Variants in TLN2 observed in about 807,000 individuals in gnomAD.
TLN2 encodes the protein talin 2.
Under a neutral mutation model 294.7 loss-of-function variants are expected in TLN2, and 118 were observed. That is an observed-to-expected ratio of 0.40 (90% confidence interval 0.34 to 0.47). The LOEUF (loss-of-function observed/expected upper bound fraction) is 0.47, where lower values mean the gene tolerates loss of function less well. TLN2 is among the 20% of genes least tolerant of loss of function. TLN2 has a pLI of 0.84. For missense variants in TLN2, 3,083 were observed against 3,282.2 expected, an observed-to-expected ratio of 0.94 and a Z score of 1.48; for synonymous variants, 1,431 against 1,304.5, an observed-to-expected ratio of 1.10 and a Z score of -2.09.
chr15:62,670,722 G>A (rs1052289037), intron 9 of TLN2, among the ~76,000 whole-genome samples: 2 of 152,128 alleles, frequency 1.3e-5, no homozygotes, highest in African/African-American at 2.4e-5. Flanking sequence ...GGACTTTTGA[G>A]TTATTATCAT....
At chr15:62,611,455 G>C (rs1025556576) in intron 2 of TLN2, among the ~76,000 whole-genome samples, 15 of 152,206 alleles carry the variant, frequency 9.9e-5, no homozygotes, top group Non-Finnish European at 2.1e-4. Flanking sequence ...GAGGGCAAGG[G>C]ACTGTGTCTG....
chr15:62,655,282 A>T (rs2053081176), intron 7 of TLN2, among the ~76,000 whole-genome samples: 1 of 152,154 alleles, frequency 6.6e-6, no homozygotes, highest in African/African-American at 2.4e-5. Context: ...AAGCCCAGAG[A>T]GGAGTGTTGG....
At chr15:62,689,324 A>AT (rs970895235) in intron 12 of TLN2, among the ~76,000 whole-genome samples, 2 of 151,994 alleles carry the variant, frequency 1.3e-5, no homozygotes, top group Non-Finnish European at 2.9e-5. Flanking sequence ...TTATTTAAAT[A>AT]TTTTTTCAGT....
At chr15:62,721,496 A>C (rs2060146249) in intron 25 of TLN2, among the ~76,000 whole-genome samples, 1 of 152,078 alleles carries the variant, frequency 6.6e-6, no homozygotes, top group East Asian at 1.9e-4. Context: ...GGTAGCTTTT[A>C]TAAATATTCA....
At chr15:62,456,070 A>G (rs2036460665) in intron 1 of TLN2, among the ~76,000 whole-genome samples, 1 of 152,014 alleles carries the variant, frequency 6.6e-6, no homozygotes, top group Admixed American at 6.5e-5. Flanking sequence ...ACTCTTAAAA[A>G]AAAAAAAAAA....
intron 1 of TLN2, among the ~76,000 whole-genome samples, chr15:62,430,624 C>T (rs1418372833): frequency 2.0e-5 from 3 of 152,122 alleles, no homozygotes; most frequent in Non-Finnish European, 4.4e-5. Flanking sequence ...GGACAGATCT[C>T]ATCTCTGTTT....
chr15:62,734,010 G>T (rs1018008600), intron 28 of TLN2: 1 of 152,112 alleles, frequency 6.6e-6, no homozygotes. Context: ...GCCTTCTTTC[G>T]TCCTTTTGAT....
chr15:62,837,196 CT>C (rs1357992978), intron 57 of TLN2, among the ~76,000 whole-genome samples: 9 of 152,212 alleles, frequency 5.9e-5, no homozygotes, highest in African/African-American at 2.2e-4. Context: ...TTTTTTGGCC[CT>C]CTTGAGTCCC....
At position 62,833,575 on chromosome 15, in the gene TLN2, C is replaced by T. The variant is rs758459760; in HGVS notation, c.7074C>T (p.Ser2358=). The change falls in exon 55 of 59, where the codon AGC becomes AGT. Residue 2358 remains serine (S), a synonymous_variant. Transcript: ENST00000636159. ...CTAAATCCATTGCTGCTGCCACAAG[C>T]GCCCTGGTCAAATCGGCCTCAGCAG... ...EAAKSIAAAT[S]ALVKSASAAQ... 2.3e-5 allele frequency: 37 copies of T among 1,614,076 alleles called. No homozygotes were observed. Among genetic ancestry groups the T allele is most frequent in the African/African-American group, 8.0e-5 (6 of 74,930 alleles).
intron 1 of TLN2, among the ~76,000 whole-genome samples, chr15:62,418,997 T>C (rs905265112): frequency 3.3e-5 from 5 of 152,300 alleles, no homozygotes; most frequent in Non-Finnish European, 5.9e-5. Context: ...TTAAGTACAT[T>C]TGGAATAACT....
intron 9 of TLN2, among the ~76,000 whole-genome samples, chr15:62,672,794 G>T (rs370521438): frequency 1.3e-5 from 2 of 151,990 alleles, no homozygotes; most frequent in East Asian, 1.9e-4. Context: ...GGGTGGTGTC[G>T]GGGGGTTGCC....
intron 1 of TLN2, among the ~76,000 whole-genome samples, chr15:62,436,858 G>T (rs974521092): frequency 1.3e-5 from 2 of 152,150 alleles, no homozygotes; most frequent in African/African-American, 4.8e-5. Context: ...GAGTAGCTGG[G>T]ACTACAAGCA....
At chr15:62,522,812 A>G (rs556692903) in intron 1 of TLN2, among the ~76,000 whole-genome samples, 7 of 152,240 alleles carry the variant, frequency 4.6e-5, no homozygotes, top group Middle Eastern at 3.4e-3. Context: ...AGAAAATTGC[A>G]TCTTCTCTCT....
At chr15:62,769,577 C>T (rs561865201) in intron 41 of TLN2, among the ~76,000 whole-genome samples, 1 of 152,266 alleles carries the variant, frequency 6.6e-6, no homozygotes, top group East Asian at 1.9e-4. Context: ...TATTGTTGGC[C>T]AATAATCATG....
chr15:62,625,174 G>A (rs911576668), intron 3 of TLN2, among the ~76,000 whole-genome samples: 6 of 152,066 alleles, frequency 3.9e-5, no homozygotes, highest in African/African-American at 1.2e-4. Flanking sequence ...AGAACTGTGG[G>A]GCTTGGTTCT....
intron 54 of TLN2, among the ~76,000 whole-genome samples, chr15:62,821,895 A>T (rs1051040433): frequency 6.6e-6 from 1 of 152,206 alleles, no homozygotes; most frequent in African/African-American, 2.4e-5. Context: ...TTAAGAGTCA[A>T]CCATTAACTA....
intron 51 of TLN2, among the ~76,000 whole-genome samples, chr15:62,807,208 G>A (rs528073277): frequency 6.6e-6 from 1 of 152,246 alleles, no homozygotes; most frequent in South Asian, 2.1e-4. Context: ...AGAGATAACT[G>A]CCAAAGGGGT....
At chr15:62,647,219 T>C (rs2051982612) in intron 3 of TLN2, 56 bp from the exon 4 acceptor site, 7 of 1,481,836 alleles carry the variant, frequency 4.7e-6, no homozygotes, top group Middle Eastern at 2.0e-4. Context: ...TGTTTTTTTT[T>C]CCCCAAGACA....
intron 1 of TLN2, among the ~76,000 whole-genome samples, chr15:62,513,289 A>C (rs1051117288): frequency 2.6e-5 from 4 of 152,046 alleles, no homozygotes; most frequent in African/African-American, 9.7e-5. Flanking sequence ...CTGTTGCCAG[A>C]TGTTGAGGGC....
Sources: allele counts gnomAD v4.1 joint callset (sites outside exome capture counted in the v4.1 genomes callset), GRCh38; gene constraint gnomAD v4.1.1; transcripts MANE v1.5; gene names NCBI Gene and HGNC (gene_info 2026-07-23, HGNC 2026-07-21).